Variants in EXOC6 observed in about 807,000 individuals in gnomAD.
The protein encoded by EXOC6 is exocyst complex component 6.
Under a neutral mutation model 112.5 loss-of-function variants are expected in EXOC6, and 60 were observed. That is an observed-to-expected ratio of 0.53 (90% CI 0.43 to 0.66). The LOEUF is 0.66. EXOC6 is among the 30% of genes least tolerant of loss of function. The pLI is 0.00. For synonymous variants in EXOC6, 295 were observed against 308.0 expected (o/e 0.96, Z 0.44); for missense variants, 855 against 957.1 (o/e 0.89, Z 1.41).
intron 18 of EXOC6, among the ~76,000 whole-genome samples, chr10:92,993,266 A>G (rs546450298): frequency 4.3e-4 from 65 of 152,248 alleles, no homozygotes; most frequent in African/African-American, 1.5e-3. Flanking sequence ...TTACTTAAGT[A>G]AAAAAGTAGT....
intron 7 of EXOC6, among the ~76,000 whole-genome samples, chr10:92,919,332 T>G (rs1223194127): frequency 6.6e-6 from 1 of 152,206 alleles, no homozygotes; most frequent in Non-Finnish European, 1.5e-5. Context: ...TTAAGTTCAC[T>G]CTGGAGATTC....
At chr10:92,921,086 A>G (rs1170883574) in intron 8 of EXOC6, among the ~76,000 whole-genome samples, 2 of 152,064 alleles carry the variant, frequency 1.3e-5, no homozygotes, top group African/African-American at 4.8e-5. Context: ...TTTACATTTA[A>G]TGTAATTACT....
At chr10:92,909,850 T>C (rs1850642283) in intron 6 of EXOC6, among the ~76,000 whole-genome samples, 1 of 152,240 alleles carries the variant, frequency 6.6e-6, no homozygotes. Context: ...ATTCTTTAGT[T>C]ACTGCCCGAA....
At chr10:92,868,015 T>C (rs1199335483) in intron 1 of EXOC6, among the ~76,000 whole-genome samples, 1 of 151,926 alleles carries the variant, frequency 6.6e-6, no homozygotes, top group African/African-American at 2.4e-5. Context: ...TTAGAAACAT[T>C]TTTTTCATTT....
At chr10:93,031,759 C>T (rs979992579) in intron 20 of EXOC6, among the ~76,000 whole-genome samples, 5 of 152,000 alleles carry the variant, frequency 3.3e-5, no homozygotes, top group East Asian at 3.9e-4. Flanking sequence ...GTGATCTGCC[C>T]GCCTCTGCCT....
intron 4 of EXOC6, among the ~76,000 whole-genome samples, chr10:92,898,000 C>T (rs1157098653): frequency 6.6e-6 from 1 of 152,132 alleles, no homozygotes; most frequent in Non-Finnish European, 1.5e-5. Flanking sequence ...TAACTTTCTA[C>T]ATTGACTGAG....
intron 1 of EXOC6, among the ~76,000 whole-genome samples, chr10:92,857,615 G>T (rs925931847): frequency 3.9e-5 from 6 of 152,044 alleles, no homozygotes; most frequent in African/African-American, 1.4e-4. Context: ...TGTTGTGATT[G>T]TCCATTGTAT....
intron 20 of EXOC6, among the ~76,000 whole-genome samples, chr10:93,049,590 GTT>G (rs2134366020): frequency 6.6e-6 from 1 of 152,204 alleles, no homozygotes; most frequent in South Asian, 2.1e-4. Flanking sequence ...GTTTTGTGTT[GTT>G]TTGTTTTAAA....
chr10:92,997,792 G>A (rs1843561925), intron 19 of EXOC6, among the ~76,000 whole-genome samples, 177 bp downstream of exon 19: 1 of 152,134 alleles, frequency 6.6e-6, no homozygotes, highest in Non-Finnish European at 1.5e-5. Context: ...AAATATCTCA[G>A]CTTCACATTT....
chr10:92,912,266 A>G (rs565474820), intron 6 of EXOC6, among the ~76,000 whole-genome samples: 2 of 151,894 alleles, frequency 1.3e-5, no homozygotes, highest in African/African-American at 4.8e-5. Context: ...TTTTTCTTAT[A>G]TTTGCTATCT....
chr10:92,974,817 C>T (rs1842444695), intron 18 of EXOC6, among the ~76,000 whole-genome samples: 1 of 152,192 alleles, frequency 6.6e-6, no homozygotes, highest in South Asian at 2.1e-4. Context: ...ATCCGCCAGC[C>T]TCGGCCTCCC....
chr10:92,935,817 T>C lies in EXOC6; in HGVS notation c.1144T>C (p.Tyr382His). 6.2e-7 allele frequency: 1 copy of C among 1,604,760 alleles called. No individual in the cohort carries two copies. The highest frequency in any genetic ancestry group is 8.5e-7 in the Non-Finnish European group (1 of 1,173,124). Residue 382 changes from tyrosine (Y) to histidine (H), a missense_variant, in exon 12 of 22, where the codon TAT becomes CAT. Tyr to His is a moderately conservative substitution (Grantham distance 83). Around this residue, in one of 2 missense-constraint regions of EXOC6, gnomAD observed 450 missense variants for 563.5 expected, o/e 0.80. Coordinates refer to ENST00000260762, the MANE Select transcript of EXOC6 (RefSeq NM_019053.6). The stretch of plus-strand genomic sequence containing the variant: ...GTTTGTGTGTTTCCACCCTCAGTCC[T>C]ATTGCACTGATCCTGATCTTGTTCT... ...IIAVLRAHSS[Y>H]CTDPDLVLEL... is the part of the protein sequence containing the mutation.
intron 20 of EXOC6, among the ~76,000 whole-genome samples, chr10:93,023,675 T>C (rs835260): frequency 0.044 from 6,750 of 152,284 alleles, 346 homozygotes; most frequent in African/African-American, 0.12. Context: ...ATATACTTAT[T>C]TGTGTCTGTT....
intron 1 of EXOC6, among the ~76,000 whole-genome samples, chr10:92,872,935 C>T (rs947179441): frequency 1.7e-4 from 26 of 152,186 alleles, no homozygotes; most frequent in African/African-American, 5.1e-4. Flanking sequence ...TAAGCTATTA[C>T]GCAAAGTGCA....
intron 4 of EXOC6, among the ~76,000 whole-genome samples, chr10:92,896,182 T>TATATA (rs1432590399): frequency 0.011 from 15 of 1,400 alleles, no homozygotes; most frequent in East Asian, 0.036. Flanking sequence ...TATATATATA[T>TATATA]TTTTTTTTTT....
chr10:92,871,524 A>T (rs1352147518), intron 1 of EXOC6, among the ~76,000 whole-genome samples: 2 of 148,922 alleles, frequency 1.3e-5, no homozygotes, highest in Non-Finnish European at 3.0e-5. Flanking sequence ...AAAAAATCAT[A>T]GGCCAGTTGC....
intron 4 of EXOC6, among the ~76,000 whole-genome samples, chr10:92,898,100 G>A (rs1849927077): frequency 6.6e-6 from 1 of 151,904 alleles, no homozygotes; most frequent in African/African-American, 2.4e-5. Context: ...ACTCCTCCGT[G>A]GATTAGGAGG....
chr10:93,009,169 G>GATGGCACC (rs201776041), intron 19 of EXOC6, among the ~76,000 whole-genome samples: 1,576 of 152,164 alleles, frequency 0.01, 29 homozygotes, highest in African/African-American at 0.036. Flanking sequence ...AGTGAGCTGT[G>GATGGCACC]ATGGCACTCC....
chr10:92,976,363 C>T (rs961830272), intron 18 of EXOC6, among the ~76,000 whole-genome samples: 13 of 152,234 alleles, frequency 8.5e-5, no homozygotes, highest in African/African-American at 2.9e-4. Flanking sequence ...TGTGACCTTA[C>T]CCCCAACCCT....
Sources: gnomAD v4.1 joint callset for allele counts (sites outside exome capture counted in the v4.1 genomes callset) on GRCh38, gnomAD v4.1.1 for gene constraint, gnomAD v4.1.1 regional missense constraint, MANE v1.5 for transcripts, NCBI Gene and HGNC (gene_info 2026-07-23, HGNC 2026-07-21) for gene names.